The following DIAPH3 variants were observed in gnomAD, a reference collection of about 807,000 sequenced individuals.
DIAPH3 encodes diaphanous related formin 3.
A neutral mutation model predicts 144.3 loss-of-function variants in DIAPH3; 117 were observed. The ratio of observed to expected loss-of-function variants is 0.81; its 90% CI spans 0.70 to 0.95. The LOEUF is 0.95. DIAPH3 is among the 40% of genes least tolerant of loss of function. The pLI, the probability that DIAPH3 is intolerant of heterozygous loss-of-function variation, is 0.00. For synonymous variants in DIAPH3, 519 were observed against 488.9 expected, an observed-to-expected ratio of 1.06 and a Z score of -0.81; for missense variants, 1,421 against 1,412.7, an observed-to-expected ratio of 1.01 and a Z score of -0.09.
At chr13:59,703,239 A>G (rs896728275) in intron 27 of DIAPH3, among the ~76,000 whole-genome samples, 10 of 152,312 alleles carry the variant, frequency 6.6e-5, no homozygotes, top group African/African-American at 2.4e-4. Context: ...TCGCATGAGT[A>G]AAAGAAAACA....
At chr13:59,808,723 T>C (rs974893472) in intron 25 of DIAPH3, among the ~76,000 whole-genome samples, 2 of 152,078 alleles carry the variant, frequency 1.3e-5, no homozygotes, top group Admixed American at 1.3e-4. Context: ...ATATTAAAAA[T>C]TATAAGAATT....
chr13:59,754,836 G>A (rs2037177144), intron 27 of DIAPH3, among the ~76,000 whole-genome samples: 1 of 152,060 alleles, frequency 6.6e-6, no homozygotes. Context: ...GTGCTAGGTT[G>A]TACTGATAAG....
chr13:59,917,771 T>A (rs571588147), intron 18 of DIAPH3, among the ~76,000 whole-genome samples: 1 of 151,204 alleles, frequency 6.6e-6, no homozygotes, highest in East Asian at 2.0e-4. Flanking sequence ...GTGCCTGTAG[T>A]CCCAGCTACT....
chr13:60,015,317 T>G (rs1207838824), intron 7 of DIAPH3, among the ~76,000 whole-genome samples: 1 of 152,186 alleles, frequency 6.6e-6, no homozygotes, highest in Non-Finnish European at 1.5e-5. Context: ...TGTAACCTCT[T>G]TAACTATGCA....
At chr13:59,835,925 A>T (rs549383691) in intron 23 of DIAPH3, among the ~76,000 whole-genome samples, 2 of 151,966 alleles carry the variant, frequency 1.3e-5, no homozygotes, top group South Asian at 4.1e-4. Flanking sequence ...TTTAGCATCT[A>T]CCCAGTGATT....
intron 5 of DIAPH3, among the ~76,000 whole-genome samples, chr13:60,038,565 G>A (rs904838613): frequency 3.9e-5 from 6 of 152,056 alleles, no homozygotes; most frequent in African/African-American, 7.2e-5. Flanking sequence ...TTGTTTTCAC[G>A]TAAACACATA....
In DIAPH3 at chr13:59,764,032, T is replaced by C. The variant is rs534368263; in HGVS notation, c.3319+10157A>G. 7.9e-5 allele frequency among the ~76,000 whole-genome samples: 12 copies of C among 151,964 alleles called. No homozygotes were observed. The South Asian group carries it at 2.5e-3, about 32-fold the overall frequency. ...TGTATTCTGTCATCTGCTTGGAGCA[T>C]AAACTTTGCTTCTGTATGCTAAGAA... On this transcript the variant is annotated intron_variant, in intron 27 of 27. Transcript: ENST00000400324.
intron 27 of DIAPH3, among the ~76,000 whole-genome samples, chr13:59,753,964 C>A (rs1593757874): frequency 6.6e-6 from 1 of 152,086 alleles, no homozygotes; most frequent in East Asian, 1.9e-4. Flanking sequence ...CCTTCTAAAA[C>A]CCTCATCTAG....
At chr13:60,044,688 G>T (rs1162965355) in intron 4 of DIAPH3, among the ~76,000 whole-genome samples, 1 of 152,130 alleles carries the variant, frequency 6.6e-6, no homozygotes, top group Non-Finnish European at 1.5e-5. Context: ...CTCATATATA[G>T]AGAGAATATT....
At chr13:59,739,951 G>C (rs1230797358) in intron 27 of DIAPH3, among the ~76,000 whole-genome samples, 1 of 152,168 alleles carries the variant, frequency 6.6e-6, no homozygotes, top group Non-Finnish European at 1.5e-5. Context: ...GTGATGTGTA[G>C]GCACTGTATT....
At chr13:59,906,379 T>C (rs2046739629) in intron 20 of DIAPH3, among the ~76,000 whole-genome samples, 1 of 152,132 alleles carries the variant, frequency 6.6e-6, no homozygotes, top group Non-Finnish European at 1.5e-5. Context: ...AGAAATGGAA[T>C]TAGAAGTACA....
At chr13:60,040,877 G>A (rs1055371135) in intron 5 of DIAPH3, among the ~76,000 whole-genome samples, 1 of 152,006 alleles carries the variant, frequency 6.6e-6, no homozygotes, top group Non-Finnish European at 1.5e-5. Flanking sequence ...GCAGTGGCAC[G>A]ATGCCAGCTC....
At chr13:59,960,435 A>G (rs1474530065) in intron 17 of DIAPH3, among the ~76,000 whole-genome samples, 8 of 152,176 alleles carry the variant, frequency 5.3e-5, no homozygotes, top group Non-Finnish European at 1.0e-4. Flanking sequence ...CTAAAAAATT[A>G]TCACTCTTCC....
intron 25 of DIAPH3, among the ~76,000 whole-genome samples, chr13:59,775,274 G>A (rs1036237532): frequency 2.6e-5 from 4 of 151,968 alleles, no homozygotes; most frequent in African/African-American, 9.7e-5. Context: ...ACAGAATCTC[G>A]CTCTGTCGCC....
In DIAPH3 at chr13:59,991,166, A is replaced by T; in HGVS notation, c.1353T>A (p.Tyr451Ter). 1 of 1,588,038 alleles carries T rather than the reference A, an allele frequency of 6.3e-7. No individual in the cohort carries two copies. The highest frequency in any genetic ancestry group is 8.6e-7 in the Non-Finnish European group (1 of 1,158,356). ...ATACAACTTCCTCTTACCTTATAAA[A>T]TAATCATTTCGAATCAGCAAAAGAT... ...LQHLLLIRND[Y>*]FIRQQYFKLI... Residue 451 changes from tyrosine to a stop codon, truncating the protein, a stop_gained, in exon 12 of 28, where the codon TAT becomes TAA. Transcript: ENST00000400324. LOFTEE classifies it high-confidence loss of function.
At chr13:59,896,567 T>C (rs1301132174) in intron 20 of DIAPH3, among the ~76,000 whole-genome samples, 3 of 143,946 alleles carry the variant, frequency 2.1e-5, no homozygotes, top group African/African-American at 7.7e-5. Flanking sequence ...TTACATGAAC[T>C]GCAGTATTTT....
chr13:59,987,153 T>C (rs961152821), intron 12 of DIAPH3, among the ~76,000 whole-genome samples: 1 of 151,766 alleles, frequency 6.6e-6, no homozygotes, highest in African/African-American at 2.4e-5. Flanking sequence ...CCATAAAAAA[T>C]GATGAGTTCA....
intron 3 of DIAPH3, among the ~76,000 whole-genome samples, chr13:60,097,675 G>T (rs2058146572): frequency 6.6e-6 from 1 of 152,010 alleles, no homozygotes; most frequent in Non-Finnish European, 1.5e-5. Context: ...AAACTTTTGT[G>T]GGATACCCAC....
intron 22 of DIAPH3, chr13:59,861,143 GGGCTAGCA>G: frequency 8.9e-7 from 1 of 1,129,668 alleles, no homozygotes; most frequent in Non-Finnish European, 1.2e-6. Context: ...GTAGAAGGTA[GGGCTAGCA>G]GGTATCTACA....
Sources: gnomAD v4.1 joint callset for allele counts (sites outside exome capture counted in the v4.1 genomes callset) on GRCh38, gnomAD v4.1.1 for gene constraint, MANE v1.5 for transcripts, NCBI Gene and HGNC (gene_info 2026-07-23, HGNC 2026-07-21) for gene names.